Variants in SMIM13 observed in about 807,000 individuals in gnomAD.
SMIM13 encodes the protein UPF0766 protein C6orf228.
SMIM13 carries 3 observed loss-of-function variants against 5.9 expected under a neutral mutation model. The ratio of observed to expected loss-of-function variants is 0.51; its 90% CI spans 0.23 to 1.31. SMIM13 has a LOEUF of 1.31. Among genes scored for constraint, SMIM13 ranks in the 40% most tolerant of loss-of-function variants. The probability of loss-of-function intolerance (pLI) is 0.18; values close to 1 mark genes in which losing one functional copy is unlikely to be tolerated. For synonymous variants in SMIM13, 55 were observed against 46.0 expected (o/e 1.19, Z -0.79); for missense variants, 85 against 109.9 (o/e 0.77, Z 1.01).
At chr6:11,108,344 A>C (rs1402535332) in intron 1 of SMIM13, among the ~76,000 whole-genome samples, 2 of 152,144 alleles carry the variant, frequency 1.3e-5, no homozygotes, top group Admixed American at 6.5e-5. Context: ...CTGTCCCTTC[A>C]ATAGTGTTAT....
rs1374087184 is a variant in SMIM13 at position 11,100,044 on chromosome 6, GTTTTTTTGTTTT to G, written c.76+5657_76+5668del. On this transcript the variant is annotated intron_variant, in intron 1 of 1. Coordinates refer to ENST00000416247, the MANE Select transcript of SMIM13 (RefSeq NM_001135575.2). ...TTACCTAGTATTACTTTGGTACATTGTTTTTTTGTTTTTGTTTTTGTTTTTGTTTTTTTTGAG... is the reference window on the plus strand; with the variant it reads ...TTACCTAGTATTACTTTGGTACATTGTGTTTTTGTTTTTGTTTTTTTTGAG... Among the ~76,000 whole-genome samples the G allele has an allele frequency of 2.0e-5, 3 of 151,788 alleles. No homozygotes were observed. In the East Asian group the frequency reaches 5.8e-4, roughly 29 times the overall value.
intron 1 of SMIM13, among the ~76,000 whole-genome samples, chr6:11,095,215 A>T (rs1156895397): frequency 6.6e-6 from 1 of 152,274 alleles, no homozygotes; most frequent in Non-Finnish European, 1.5e-5. Context: ...ATAATGGGTC[A>T]GAATTCATAC....
chr6:11,101,339 C>T (rs1381758856), intron 1 of SMIM13, among the ~76,000 whole-genome samples: 1 of 152,202 alleles, frequency 6.6e-6, no homozygotes, highest in African/African-American at 2.4e-5. Context: ...TGCAGTCAAC[C>T]TCTCTTATTT....
chr6:11,104,534 G>A (rs1407427506), intron 1 of SMIM13: 1 of 1,578,904 alleles, frequency 6.3e-7, no homozygotes, highest in Non-Finnish European at 8.6e-7. Flanking sequence ...CTATAGTCAT[G>A]CCTGCTAAGA....
chr6:11,100,724 T>A (rs1288301557), intron 1 of SMIM13, among the ~76,000 whole-genome samples: 1 of 152,182 alleles, frequency 6.6e-6, no homozygotes, highest in Non-Finnish European at 1.5e-5. Flanking sequence ...TGATTGATAA[T>A]TTGAATAGAT....
At chr6:11,107,616 AAAAG>A (rs1758105786) in intron 1 of SMIM13, among the ~76,000 whole-genome samples, 1 of 152,196 alleles carries the variant, frequency 6.6e-6, no homozygotes, top group Admixed American at 6.5e-5. Context: ...GGGGAGATAC[AAAAG>A]AAAGAGTCTT....
At chr6:11,103,296 G>A (rs1446548204) in intron 1 of SMIM13, 1 of 179,562 alleles carries the variant, frequency 5.6e-6, no homozygotes, top group Non-Finnish European at 1.2e-5. Context: ...TATCTATTGG[G>A]AGGCCATCGT....
chr6:11,123,616 A>G (rs1032584294), intron 1 of SMIM13, among the ~76,000 whole-genome samples: 2 of 152,222 alleles, frequency 1.3e-5, no homozygotes, highest in African/African-American at 4.8e-5. Context: ...CCATTAGATG[A>G]TATGTGCAAA....
At chr6:11,104,477 G>A in intron 1 of SMIM13, 7 of 1,553,028 alleles carry the variant, frequency 4.5e-6, no homozygotes, top group Non-Finnish European at 6.1e-6. Context: ...GGGTGAGGGA[G>A]GTTCCAAAAA....
chr6:11,116,266 A>T (rs1758239429), intron 1 of SMIM13, among the ~76,000 whole-genome samples: 1 of 151,150 alleles, frequency 6.6e-6, no homozygotes, highest in Non-Finnish European at 1.5e-5. Flanking sequence ...TGATCCGCCC[A>T]CCTCAGCTTC....
chr6:11,126,163 C>G (rs1371004141), intron 1 of SMIM13, among the ~76,000 whole-genome samples: 2 of 152,186 alleles, frequency 1.3e-5, no homozygotes, highest in Non-Finnish European at 1.5e-5. Context: ...AATTCTCCTG[C>G]CTCAGCCTCC....
chr6:11,094,662 C>T (rs1757899976), intron 1 of SMIM13, among the ~76,000 whole-genome samples: 1 of 152,190 alleles, frequency 6.6e-6, no homozygotes, highest in South Asian at 2.1e-4. Flanking sequence ...GCAGCGTCTG[C>T]TCTTTCATTC....
In SMIM13 at chr6:11,103,918, G is replaced by T. The variant is rs777849179; in HGVS notation, c.76+9529G>T. 3.9e-6 allele frequency: 6 copies of T among 1,551,520 alleles called. No individual in the cohort carries two copies. The South Asian group carries it at 7.1e-5, about 18-fold the overall frequency. On this transcript the variant is annotated intron_variant, in intron 1 of 1. Coordinates refer to ENST00000416247, the MANE Select transcript of SMIM13 (RefSeq NM_001135575.2). ...CAATTTAACCAACCCTGAGTGGCTCGTTCCCGTAAACTGGAGGCTTGATTT... is the reference window on the plus strand; with the variant it reads ...CAATTTAACCAACCCTGAGTGGCTCTTTCCCGTAAACTGGAGGCTTGATTT...
At chr6:11,129,082 G>T (rs545305710) in intron 1 of SMIM13, among the ~76,000 whole-genome samples, 2 of 151,548 alleles carry the variant, frequency 1.3e-5, no homozygotes, top group Non-Finnish European at 1.5e-5. Flanking sequence ...CGGGAGCGGG[G>T]GGGGGATGAT....
intron 1 of SMIM13, 130 bp from the exon 2 acceptor site, chr6:11,134,273 T>C (rs1344446149): frequency 1.0e-5 from 6 of 583,256 alleles, no homozygotes; most frequent in Non-Finnish European, 1.7e-5. Context: ...GTTTGTTATA[T>C]CATTATATAT....
intron 1 of SMIM13, among the ~76,000 whole-genome samples, chr6:11,119,159 T>C (rs1265304346): frequency 6.6e-6 from 1 of 152,194 alleles, no homozygotes; most frequent in African/African-American, 2.4e-5. Context: ...GAAGAAGAAC[T>C]CTTTTCTGCC....
At chr6:11,102,765 C>T (rs1425325174) in intron 1 of SMIM13, 2 of 152,148 alleles carry the variant, frequency 1.3e-5, no homozygotes, top group African/African-American at 2.4e-5. Context: ...TTACCAGCAG[C>T]AAATCCAATG....
chr6:11,099,471 C>T (rs1158420192), intron 1 of SMIM13, among the ~76,000 whole-genome samples: 2 of 152,190 alleles, frequency 1.3e-5, no homozygotes, highest in Non-Finnish European at 1.5e-5. Flanking sequence ...CCGTGCCTGG[C>T]CCATACTACA....
intron 1 of SMIM13, among the ~76,000 whole-genome samples, chr6:11,126,222 G>T (rs1251249982): frequency 1.3e-5 from 2 of 152,092 alleles, no homozygotes; most frequent in Non-Finnish European, 2.9e-5. Flanking sequence ...GCTAATTTTT[G>T]TATTTTTAGT....
Sources: gnomAD v4.1 joint callset for allele counts (sites outside exome capture counted in the v4.1 genomes callset) on GRCh38, gnomAD v4.1.1 for gene constraint, MANE v1.5 for transcripts, NCBI Gene and HGNC (gene_info 2026-07-23, HGNC 2026-07-21) for gene names.